The following OXNAD1 variants were observed in gnomAD, a reference collection of about 807,000 sequenced individuals.
The protein encoded by OXNAD1 is oxidoreductase NAD-binding domain-containing protein 1.
OXNAD1 carries 34 observed loss-of-function variants against 32.9 expected under a neutral mutation model. The ratio of observed to expected loss-of-function variants is 1.03; its 90% CI spans 0.79 to 1.38. The LOEUF is 1.38. Among genes scored for constraint, OXNAD1 ranks in the 40% most tolerant of loss-of-function variants. The probability of loss-of-function intolerance (pLI) is 0.00; values close to 1 mark genes in which losing one functional copy is unlikely to be tolerated. For synonymous variants in OXNAD1, 134 were observed against 135.2 expected, an observed-to-expected ratio of 0.99 and a Z score of 0.06; for missense variants, 407 against 379.4, an observed-to-expected ratio of 1.07 and a Z score of -0.60.
At chr3:16,293,047 A>G (rs766025200) in intron 5 of OXNAD1, among the ~76,000 whole-genome samples, 11 of 152,200 alleles carry the variant, frequency 7.2e-5, no homozygotes, top group Non-Finnish European at 8.8e-5. Context: ...CAACTTGTCA[A>G]TTTCTACAAT....
Position 16,302,518 on chromosome 3 carries a change from A to G in OXNAD1, c.676-122A>G. The G allele has an allele frequency of 1.5e-6, 1 of 675,214 alleles. No homozygotes were observed. Among genetic ancestry groups the G allele is most frequent in the Non-Finnish European group, 2.6e-6 (1 of 381,850 alleles). 41.8% of individuals were successfully genotyped at this position (675,214 alleles called of 1,614,324 possible). A position where few individuals can be genotyped will look rare whatever the true frequency, so the allele number is the denominator to read the frequency against. On this transcript the variant is annotated intron_variant, in intron 7 of 8. Coordinates refer to ENST00000285083, the MANE Select transcript of OXNAD1 (RefSeq NM_138381.5). This position sits in a 1 kb window ranked among gnomAD's most constrained non-coding sequence, Gnocchi z 4.2. The stretch of plus-strand genomic sequence containing the variant: ...GCTAGGCTGCAAACAATATCTCTCT[A>G]AGTAGAGAGCGAGAGCGGCAGACGT...
chr3:16,299,058 C>G lies in OXNAD1; in HGVS notation c.433-2568C>G, dbSNP rs2067000548. 6.6e-6 allele frequency among the ~76,000 whole-genome samples: 1 copy of G among 152,194 alleles called. No homozygotes were observed. On this transcript the variant is annotated intron_variant, in intron 6 of 8. Coordinates refer to ENST00000285083, the MANE Select transcript of OXNAD1 (RefSeq NM_138381.5). This position sits in a 1 kb window ranked among gnomAD's most constrained non-coding sequence, Gnocchi z 4.4. ...TCTTGAATATTATCTTTCCCTGGGGCACATTTTCTTGCCAACTTTAGAGTT... is the reference window on the plus strand; with the variant it reads ...TCTTGAATATTATCTTTCCCTGGGGGACATTTTCTTGCCAACTTTAGAGTT...
exon 10 of OXNAD1, chr3:16,350,181 C>T (rs1190763866): frequency 6.6e-6 from 1 of 152,302 alleles, no homozygotes; most frequent in East Asian, 1.9e-4. Flanking sequence ...TCCTGTAATT[C>T]CTTCCATGTC....
chr3:16,319,781 G>A (rs770735234), intron 9 of OXNAD1, among the ~76,000 whole-genome samples: 10 of 152,204 alleles, frequency 6.6e-5, no homozygotes, highest in Non-Finnish European at 1.5e-4. Flanking sequence ...AAAAGGAGAC[G>A]TCTCAGAAAG....
intron 4 of OXNAD1, chr3:16,276,331 C>G (rs2065317313): frequency 5.2e-6 from 1 of 193,110 alleles, no homozygotes; most frequent in African/African-American, 2.4e-5. Context: ...CCAATTGTTT[C>G]TTCTGTGAAT....
At chr3:16,310,489 G>C (rs1271015542), downstream of OXNAD1, among the ~76,000 whole-genome samples, 1 of 152,138 alleles carries the variant, frequency 6.6e-6, no homozygotes, top group Non-Finnish European at 1.5e-5. Flanking sequence ...TTAATGACTA[G>C]TGAGCAACAC....
chr3:16,268,839 T>C (rs2064736704), intron 1 of OXNAD1, among the ~76,000 whole-genome samples: 1 of 152,236 alleles, frequency 6.6e-6, no homozygotes, highest in Non-Finnish European at 1.5e-5. Context: ...GACATGTAAC[T>C]GTGTCATTCT....
intron 9 of OXNAD1, among the ~76,000 whole-genome samples, chr3:16,323,077 C>T (rs150009904): frequency 9.4e-4 from 143 of 152,322 alleles, no homozygotes; most frequent in African/African-American, 3.3e-3. Context: ...CAGCTGACTT[C>T]GTGCCCTTCT....
At chr3:16,276,515 AT>A (rs35338490) in intron 4 of OXNAD1, 25,576 of 143,430 alleles carry the variant, frequency 0.18, 2,418 homozygotes, top group African/African-American at 0.27. Context: ...CAATCTTGCT[AT>A]TTTTTTTTTT....
At chr3:16,338,079 T>A (rs975164425), downstream of OXNAD1, among the ~76,000 whole-genome samples, 2 of 152,238 alleles carry the variant, frequency 1.3e-5, no homozygotes, top group Non-Finnish European at 2.9e-5. This position sits in a 1 kb window ranked among gnomAD's most constrained non-coding sequence, Gnocchi z 5.3. Flanking sequence ...CAAACCTGCA[T>A]GTGCAAGATA....
rs1210659880 is a variant in OXNAD1 at position 16,335,681 on chromosome 3, T to C, written c.*31-1431T>C. Among the ~76,000 whole-genome samples, 1 of 151,074 alleles carries C rather than the reference T, an allele frequency of 6.6e-6. No homozygotes were observed. The highest frequency in any genetic ancestry group is 2.4e-5 in the African/African-American group (1 of 41,010). ...AATAGCTAATGGATGCTGGGCTTCA[T>C]ACCTAGGTGATAGCCTGATCTGAGC... On this transcript the variant is annotated intron_variant, in intron 9 of 9. Transcript: ENST00000435829. This position sits in a 1 kb window ranked among gnomAD's most constrained non-coding sequence, Gnocchi z 4.7.
At position 16,301,632 on chromosome 3, in the gene OXNAD1, C is replaced by T; in HGVS notation, c.439C>T (p.Leu147Phe). 1.2e-6 allele frequency: 2 copies of T among 1,613,948 alleles called. No homozygotes were observed. The highest frequency in any genetic ancestry group is 8.5e-7 in the Non-Finnish European group (1 of 1,179,924). ...PALWVHNTCT[L>F]DCEVAVRVGG... ...CTTTTCTTTCCTGCCTTAGTGTACA[C>T]TTGACTGTGAAGTGGCTGTGAGAGT... Residue 147 changes from leucine to phenylalanine, a missense_variant, in exon 7 of 9, where the codon CTT (leucine) becomes TTT (phenylalanine). By Grantham distance (22) the Leu-to-Phe change is conservative. Transcript: ENST00000285083. The surrounding 1 kb of genome is among the most constrained non-coding windows in gnomAD (Gnocchi z 4.1).
rs1181910349 is a variant in OXNAD1 at position 16,280,658 on chromosome 3, G to GA, written c.184-5680dup. Among the ~76,000 whole-genome samples, 2 of 152,094 alleles carry GA rather than the reference G, an allele frequency of 1.3e-5. No individual in the cohort carries two copies. Among genetic ancestry groups the GA allele is most frequent in the Non-Finnish European group, 2.9e-5 (2 of 68,026 alleles). On this transcript the variant is annotated intron_variant, in intron 4 of 8. Coordinates refer to ENST00000285083, the MANE Select transcript of OXNAD1 (RefSeq NM_138381.5). This position sits in a 1 kb window ranked among gnomAD's most constrained non-coding sequence, Gnocchi z 4.5. ...TGGCTTTGCCTAAATTTTTAAGCCA[G>GA]AAAATGAATGAACAGGAGTGAACAG...
chr3:16,307,537 C>G (rs1324269467), downstream of OXNAD1, among the ~76,000 whole-genome samples: 1 of 151,942 alleles, frequency 6.6e-6, no homozygotes, highest in African/African-American at 2.4e-5. Context: ...CATTGGTGAT[C>G]TTGATAAGAC....
intron 4 of OXNAD1, among the ~76,000 whole-genome samples, chr3:16,283,740 G>C (rs917874069): frequency 1.3e-5 from 2 of 152,146 alleles, no homozygotes; most frequent in South Asian, 2.1e-4. Context: ...TTTAGGGAAA[G>C]CTCCTACAGA....
In OXNAD1 at chr3:16,327,014, G is replaced by A. The variant is rs1574978144; in HGVS notation, c.*31-10098G>A. 13 of 608,126 alleles carry A rather than the reference G, an allele frequency of 2.1e-5. No homozygotes were observed. Among genetic ancestry groups the A allele is most frequent in the South Asian group, 1.2e-4 (6 of 49,576 alleles). The allele number at this position is 608,126 out of a possible 1,614,324, so 37.7% of individuals were successfully genotyped here. On this transcript the variant is annotated intron_variant, in intron 9 of 9. Transcript: ENST00000435829. This position sits in a 1 kb window ranked among gnomAD's most constrained non-coding sequence, Gnocchi z 4.2. Reference sequence around the variant, plus strand: ...CCGGCCACTCAGAGGCTCCTGCTCCGATGCTTGCTGAAGACTTTAAAAGTT... The same window carrying A: ...CCGGCCACTCAGAGGCTCCTGCTCCAATGCTTGCTGAAGACTTTAAAAGTT...
chr3:16,319,355 T>G (rs1248022838), intron 9 of OXNAD1, among the ~76,000 whole-genome samples: 1 of 152,224 alleles, frequency 6.6e-6, no homozygotes, highest in Non-Finnish European at 1.5e-5. Flanking sequence ...CATTATAGTA[T>G]GGGTTCAAAT....
In OXNAD1 at chr3:16,304,796, A is replaced by T. The variant is rs895083840; in HGVS notation, c.*1234A>T. On this transcript the variant is annotated 3_prime_UTR_variant, in exon 9 of 9. Coordinates refer to ENST00000285083, the MANE Select transcript of OXNAD1 (RefSeq NM_138381.5). This position sits in a 1 kb window ranked among gnomAD's most constrained non-coding sequence, Gnocchi z 4.6. ...TGTTCTGGAGCGGATGAGAGAAGAC[A>T]GGTTACCCTTTCTTATCTTTGTTGT... The T allele has an allele frequency of 1.3e-5, 2 of 152,216 alleles. No individual in the cohort carries two copies. Among genetic ancestry groups the T allele is most frequent in the Admixed American group, 1.3e-4 (2 of 15,272 alleles). The allele number at this position is 152,216 out of a possible 1,614,324, so 9.4% of individuals were successfully genotyped here.
intron 9 of OXNAD1, among the ~76,000 whole-genome samples, chr3:16,311,676 A>G (rs921708007): frequency 1.3e-5 from 2 of 152,020 alleles, no homozygotes; most frequent in Admixed American, 1.3e-4. Context: ...TCTCAAATCT[A>G]TCCCCTTCTT....
Sources: gnomAD v4.1 joint callset for allele counts (sites outside exome capture counted in the v4.1 genomes callset) on GRCh38, gnomAD v4.1.1 for gene constraint, Gnocchi (gnomAD v3.1) non-coding constraint, MANE v1.5 for transcripts, NCBI Gene and HGNC (gene_info 2026-07-23, HGNC 2026-07-21) for gene names.